Variants in B3GALT1 observed in about 807,000 individuals in gnomAD.
B3GALT1 encodes UDP-Gal:betaGlcNAc beta 1,3-galactosyltransferase, polypeptide 1.
Under a neutral mutation model 23.2 loss-of-function variants are expected in B3GALT1, and 10 were observed. The observed-to-expected ratio is 0.43, with a 90% confidence interval of 0.27 to 0.73. The LOEUF is 0.73. B3GALT1 is among the 30% of genes least tolerant of loss of function. The pLI is 0.21. For missense variants in B3GALT1, 299 were observed against 405.4 expected (o/e 0.74, Z 2.25); for synonymous variants, 156 against 141.5 (o/e 1.10, Z -0.73).
rs1189017890 is a variant in B3GALT1 at position 167,665,128 on chromosome 2, A to T, written c.-352+18162A>T. 5.9e-5 allele frequency among the ~76,000 whole-genome samples: 9 copies of T among 151,828 alleles called. No homozygotes were observed. In the South Asian group the frequency reaches 1.9e-3, roughly 32 times the overall value. ...CATAGTTAGCTCTTATTATTTTGAG[A>T]TATGTCCCATCAATACCTAATTTAT... On this transcript the variant is annotated intron_variant, in intron 3 of 4. Coordinates refer to ENST00000392690, the MANE Select transcript of B3GALT1 (RefSeq NM_020981.4).
At chr2:167,740,912 A>G (rs1687568316) in intron 3 of B3GALT1, among the ~76,000 whole-genome samples, 1 of 152,156 alleles carries the variant, frequency 6.6e-6, no homozygotes, top group Non-Finnish European at 1.5e-5. Flanking sequence ...TTCAGCTGGT[A>G]AATAAGCCAG....
In B3GALT1 at chr2:167,399,949, T is replaced by C. The variant is rs1188731511; in HGVS notation, c.-510-90228T>C. Among the ~76,000 whole-genome samples the C allele has an allele frequency of 2.0e-5, 3 of 152,144 alleles. No individual in the cohort carries two copies. In the East Asian group the frequency reaches 5.8e-4, roughly 29 times the overall value. On this transcript the variant is annotated intron_variant, in intron 1 of 4. Coordinates refer to ENST00000392690, the MANE Select transcript of B3GALT1 (RefSeq NM_020981.4). The stretch of plus-strand genomic sequence containing the variant: ...ATGCCAGAATGTGTCTTTATTGTGC[T>C]CTTATTGTTGCTTAATAACTTTATG...
chr2:167,855,942 T>C (rs10930293), intron 4 of B3GALT1, among the ~76,000 whole-genome samples: 20,030 of 152,148 alleles, frequency 0.13, 1,637 homozygotes, highest in East Asian at 0.4. Context: ...ATTTCTTTAA[T>C]AGTCTTTAAA....
intron 2 of B3GALT1, among the ~76,000 whole-genome samples, chr2:167,561,277 A>G (rs1683982472): frequency 6.6e-6 from 1 of 152,196 alleles, no homozygotes; most frequent in Admixed American, 6.5e-5. Context: ...GACACAACAT[A>G]CCAGAATCTC....
intron 2 of B3GALT1, among the ~76,000 whole-genome samples, chr2:167,517,207 G>A (rs1574114590): frequency 1.3e-5 from 2 of 151,410 alleles, no homozygotes; most frequent in African/African-American, 4.9e-5. Context: ...GCTACTTTGG[G>A]GTTTTATTGT....
In B3GALT1 at chr2:167,475,471, AT is replaced by A. The variant is rs903632932; in HGVS notation, c.-510-14695del. The stretch of plus-strand genomic sequence containing the variant: ...GAAAGTTTTTGACCTAAGAGAAGAA[AT>A]TTTTTTTTTTGCTAAAATCTACAGT... On this transcript the variant is annotated intron_variant, in intron 1 of 4. Coordinates refer to ENST00000392690, the MANE Select transcript of B3GALT1 (RefSeq NM_020981.4). Among the ~76,000 whole-genome samples the A allele has an allele frequency of 4.8e-4, 71 of 149,370 alleles. 1 individual carries two copies. Among genetic ancestry groups the A allele is most frequent in the African/African-American group, 1.4e-3 (58 of 40,888 alleles).
chr2:167,429,986 A>G (rs960315588), intron 1 of B3GALT1, among the ~76,000 whole-genome samples: 2 of 152,260 alleles, frequency 1.3e-5, no homozygotes, highest in Non-Finnish European at 2.9e-5. Flanking sequence ...CTGCACACAG[A>G]GAGCTTTATT....
At chr2:167,631,019 A>G (rs1345560268) in intron 2 of B3GALT1, among the ~76,000 whole-genome samples, 1 of 120,656 alleles carries the variant, frequency 8.3e-6, no homozygotes, top group Non-Finnish European at 1.7e-5. Flanking sequence ...GGTAAAAAAA[A>G]GGGGGGGGAA....
At chr2:167,714,172 A>G (rs1558957149) in intron 3 of B3GALT1, 2 of 1,517,788 alleles carry the variant, frequency 1.3e-6, no homozygotes, top group East Asian at 2.3e-5. Flanking sequence ...CAGACAGTCT[A>G]TCAGAATTAG....
chr2:167,504,487 C>T (rs1699891557), intron 2 of B3GALT1, among the ~76,000 whole-genome samples: 1 of 152,120 alleles, frequency 6.6e-6, no homozygotes, highest in Non-Finnish European at 1.5e-5. Context: ...AATTATAGGA[C>T]TATGTGACCA....
At chr2:167,705,164 C>T (rs928244750) in intron 3 of B3GALT1, among the ~76,000 whole-genome samples, 1 of 152,208 alleles carries the variant, frequency 6.6e-6, no homozygotes, top group African/African-American at 2.4e-5. Context: ...AGCCAAACTT[C>T]ATTGTACTCA....
chr2:167,714,053 T>C, intron 3 of B3GALT1: 1 of 1,537,390 alleles, frequency 6.5e-7, no homozygotes, highest in East Asian at 2.3e-5. Flanking sequence ...CACATTTAAA[T>C]GACCAGGATC....
intron 2 of B3GALT1, among the ~76,000 whole-genome samples, chr2:167,496,080 C>T (rs372645571): frequency 6.6e-6 from 1 of 151,836 alleles, no homozygotes; most frequent in Admixed American, 6.6e-5. Context: ...GTCTCGATTT[C>T]TTTTTTTAGT....
At chr2:167,834,614 C>A (rs1328455663) in intron 4 of B3GALT1, among the ~76,000 whole-genome samples, 1 of 152,092 alleles carries the variant, frequency 6.6e-6, no homozygotes, top group African/African-American at 2.4e-5. Flanking sequence ...TTTGGGAGGC[C>A]GAGGCAGGTG....
chr2:167,681,144 G>A (rs752114320), intron 3 of B3GALT1, among the ~76,000 whole-genome samples: 10 of 152,220 alleles, frequency 6.6e-5, no homozygotes, highest in East Asian at 5.8e-4. Flanking sequence ...CATGTCAACC[G>A]CGCTGCAGCA....
chr2:167,480,697 A>G (rs1228835917), intron 1 of B3GALT1, among the ~76,000 whole-genome samples: 1 of 152,090 alleles, frequency 6.6e-6, no homozygotes, highest in Non-Finnish European at 1.5e-5. Context: ...ATTTCCACCT[A>G]TTGCAGCTTA....
intron 2 of B3GALT1, among the ~76,000 whole-genome samples, chr2:167,512,620 ACGTG>A (rs1292046530): frequency 0.24 from 22,889 of 96,020 alleles, 3,953 homozygotes; most frequent in East Asian, 0.66. Context: ...ATATATATAT[ACGTG>A]TATATATATA....
At chr2:167,442,272 C>G (rs1057142568) in intron 1 of B3GALT1, among the ~76,000 whole-genome samples, 13 of 152,132 alleles carry the variant, frequency 8.5e-5, no homozygotes, top group Non-Finnish European at 1.3e-4. Flanking sequence ...TTAATCCAGT[C>G]TATCATTGTT....
At chr2:167,815,930 TA>T (rs1304559547) in intron 3 of B3GALT1, among the ~76,000 whole-genome samples, 1 of 152,218 alleles carries the variant, frequency 6.6e-6, no homozygotes, top group African/African-American at 2.4e-5. Context: ...AAAGAGTAGA[TA>T]ATGAACAAAT....
Sources: gnomAD v4.1 joint callset for allele counts (sites outside exome capture counted in the v4.1 genomes callset) on GRCh38, gnomAD v4.1.1 for gene constraint, MANE v1.5 for transcripts, NCBI Gene and HGNC (gene_info 2026-07-23, HGNC 2026-07-21) for gene names.